The following ERG variants were observed in gnomAD, a reference collection of about 807,000 sequenced individuals.
The protein encoded by ERG is transcriptional regulator ERG.
A neutral mutation model predicts 55.3 loss-of-function variants in ERG; 9 were observed. The observed-to-expected ratio is 0.16, with a 90% CI of 0.10 to 0.28. The LOEUF is 0.28. Among genes scored for constraint, ERG ranks in the 10% least tolerant of loss-of-function variants. ERG has a pLI of 1.00. For synonymous variants in ERG, 223 were observed against 237.3 expected (o/e 0.94, Z 0.55); for missense variants, 434 against 631.6 (o/e 0.69, Z 3.35).
intron 2 of ERG, among the ~76,000 whole-genome samples, chr21:38,563,667 T>C (rs2059906128): frequency 6.6e-6 from 1 of 152,262 alleles, no homozygotes; most frequent in Non-Finnish European, 1.5e-5. Flanking sequence ...CCATTGCTTA[T>C]TCAATTCAGT....
rs140720364 is a variant in ERG, at chr21:38,515,407, A to G, written c.-41+60255T>C. 3.7e-3 allele frequency among the ~76,000 whole-genome samples: 561 copies of G among 152,078 alleles called. 1 individual carries two copies. Among genetic ancestry groups the G allele is most frequent in the South Asian group, 0.011 (55 of 4,824 alleles). ...CTGAAAACTTAAACAGACCAATAAC[A>G]AGTAATAAGATTGGATAGGAAAAAA... is the stretch of plus-strand genomic sequence containing the variant. On this transcript the variant is annotated intron_variant, in intron 2 of 8. Transcript: ENST00000398897.
intron 2 of ERG, among the ~76,000 whole-genome samples, chr21:38,536,767 T>C (rs1015953209): frequency 6.6e-6 from 1 of 152,260 alleles, no homozygotes; most frequent in African/African-American, 2.4e-5. Flanking sequence ...AAATGCTAAA[T>C]TGATTTGGCT....
intron 5 of ERG, among the ~76,000 whole-genome samples, chr21:38,401,546 C>T (rs558373591): frequency 1.3e-5 from 2 of 152,080 alleles, no homozygotes; most frequent in Non-Finnish European, 2.9e-5. Flanking sequence ...ATACTCAAAC[C>T]GGGACTCACT....
intron 2 of ERG, among the ~76,000 whole-genome samples, chr21:38,425,044 C>T (rs977020044): frequency 6.6e-6 from 1 of 152,120 alleles, no homozygotes; most frequent in Admixed American, 6.5e-5. Context: ...GTGAAAGCTA[C>T]AGGACATTGG....
chr21:38,610,613 G>C (rs1022460385), intron 1 of ERG, among the ~76,000 whole-genome samples: 1 of 152,196 alleles, frequency 6.6e-6, no homozygotes, highest in Admixed American at 6.5e-5. Context: ...CTGAAGCAGG[G>C]GAGATTGAAC....
rs1373817453 is a variant in ERG at position 38,649,370 on chromosome 21, C to T, written c.-150+12288G>A. Among the ~76,000 whole-genome samples, 5 of 152,138 alleles carry T rather than the reference C, an allele frequency of 3.3e-5. No homozygotes were observed. In the East Asian group the frequency reaches 9.7e-4, roughly 29 times the overall value. ...ACTGCAAGGACCAAGCACAGAGGCA[C>T]CTGGACACCAACCCTTCCCTGCGAG... On this transcript the variant is annotated intron_variant, in intron 1 of 10. Transcript: ENST00000398910.
At chr21:38,467,364 C>T (rs1460179081) in intron 1 of ERG, among the ~76,000 whole-genome samples, 3 of 152,162 alleles carry the variant, frequency 2.0e-5, no homozygotes, top group Admixed American at 2.0e-4. Flanking sequence ...ATCTTTTATG[C>T]ATCATATAGT....
chr21:38,395,846 G>A (rs1988184964), intron 6 of ERG, among the ~76,000 whole-genome samples: 1 of 152,112 alleles, frequency 6.6e-6, no homozygotes, highest in Admixed American at 6.5e-5. Context: ...TTCCTGGAGG[G>A]CTAAGTTCAG....
intron 1 of ERG, among the ~76,000 whole-genome samples, chr21:38,644,414 T>C (rs1023401501): frequency 2.0e-5 from 3 of 152,228 alleles, no homozygotes; most frequent in African/African-American, 7.2e-5. Context: ...CTTCCACTTG[T>C]TTTCTGAAGG....
At chr21:38,473,159 CAAAAAAAAAA>C in intron 1 of ERG, among the ~76,000 whole-genome samples, 1 of 106,018 alleles carries the variant, frequency 9.4e-6, no homozygotes, top group South Asian at 3.1e-4. Context: ...AGGATGCGCT[CAAAAAAAAAA>C]AAAAAAAAAA....
intron 2 of ERG, among the ~76,000 whole-genome samples, chr21:38,557,766 CTT>C (rs1174950118): frequency 6.6e-6 from 1 of 152,020 alleles, no homozygotes; most frequent in Non-Finnish European, 1.5e-5. Context: ...TCAAAAGACT[CTT>C]AGAATGTTCT....
intron 2 of ERG, among the ~76,000 whole-genome samples, chr21:38,549,635 G>A (rs1319118135): frequency 6.6e-6 from 1 of 152,022 alleles, no homozygotes; most frequent in Non-Finnish European, 1.5e-5. Context: ...AGGCTTCTTT[G>A]GGTGCAAATA....
At chr21:38,435,823 A>G (rs1990417354) in intron 2 of ERG, among the ~76,000 whole-genome samples, 1 of 152,214 alleles carries the variant, frequency 6.6e-6, no homozygotes, top group Non-Finnish European at 1.5e-5. Context: ...GTTCTGTAGC[A>G]TAAGATCTCT....
chr21:38,631,400 G>A (rs7281397), intron 1 of ERG, among the ~76,000 whole-genome samples: 2,177 of 152,066 alleles, frequency 0.014, 50 homozygotes, highest in African/African-American at 0.049. Flanking sequence ...AACACTAAAC[G>A]CCCACACGTC....
At chr21:38,455,114 CTTTCT>C (rs1233254007) in intron 1 of ERG, among the ~76,000 whole-genome samples, 1,994 of 118,700 alleles carry the variant, frequency 0.017, 38 homozygotes, top group African/African-American at 0.055. Context: ...TTCTTTCTTT[CTTTCT>C]TTTTTTTTTT....
intron 2 of ERG, among the ~76,000 whole-genome samples, chr21:38,573,168 CA>C (rs2059970070): frequency 6.6e-6 from 1 of 152,240 alleles, no homozygotes; most frequent in African/African-American, 2.4e-5. Context: ...ACCAGGGGCA[CA>C]ATGCACTGCG....
chr21:38,433,320 G>A (rs1990305103), intron 2 of ERG, among the ~76,000 whole-genome samples: 1 of 152,174 alleles, frequency 6.6e-6, no homozygotes, highest in African/African-American at 2.4e-5. Flanking sequence ...CAGGACAGGA[G>A]CTGGACCACT....
At chr21:38,370,261 A>G in the ERG span, among the ~76,000 whole-genome samples, 1 of 152,002 alleles carries the variant, frequency 6.6e-6, no homozygotes, top group Non-Finnish European at 1.5e-5. Flanking sequence ...GATCTATTCA[A>G]TTCTTTTGCA....
At chr21:38,458,385 C>G (rs1398503793) in intron 1 of ERG, among the ~76,000 whole-genome samples, 1 of 147,286 alleles carries the variant, frequency 6.8e-6, no homozygotes, top group Non-Finnish European at 1.5e-5. Context: ...GGTTGCGCCA[C>G]TGCACTCCAG....
Sources: allele counts gnomAD v4.1 joint callset (sites outside exome capture counted in the v4.1 genomes callset), GRCh38; gene constraint gnomAD v4.1.1; transcripts MANE v1.5; gene names NCBI Gene and HGNC (gene_info 2026-07-23, HGNC 2026-07-21).